GFM1: variants seen among roughly 807,000 people sequenced by gnomAD.
GFM1 encodes elongation factor G, mitochondrial.
Under a neutral mutation model 96.2 loss-of-function variants are expected in GFM1, and 62 were observed. The ratio of observed to expected loss-of-function variants is 0.64; its 90% CI spans 0.53 to 0.80. The LOEUF (loss-of-function observed/expected upper bound fraction) is 0.80. Among genes scored for constraint, GFM1 ranks in the 30% least tolerant of loss-of-function variants. GFM1 has a pLI of 0.00. For missense variants in GFM1, 852 were observed against 916.6 expected (o/e 0.93, Z 0.91); for synonymous variants, 282 against 312.9 (o/e 0.90, Z 1.04).
At chr3:158,654,033 C>G (rs1379402906) in intron 7 of GFM1, among the ~76,000 whole-genome samples, 1 of 151,858 alleles carries the variant, frequency 6.6e-6, no homozygotes, top group East Asian at 1.9e-4. Flanking sequence ...GATTGCACCA[C>G]TGCACTCCAG....
chr3:158,646,730 T>G lies in GFM1; in HGVS notation c.368-13T>G, dbSNP rs190018924. On this transcript the variant is annotated splice_polypyrimidine_tract_variant and intron_variant, in intron 3 of 17. Transcript: ENST00000486715. The stretch of plus-strand genomic sequence containing the variant: ...TTGCTCTTTAAGACCCTCTCATACT[T>G]CATCTTATTCAGGGCATGTGGACTT... 1 of 1,608,898 alleles carries G rather than the reference T, an allele frequency of 6.2e-7. No individual in the cohort carries two copies. Among genetic ancestry groups the G allele is most frequent in the Non-Finnish European group, 8.5e-7 (1 of 1,177,170 alleles).
intron 13 of GFM1, among the ~76,000 whole-genome samples, chr3:158,673,907 T>C (rs2108074931): frequency 6.6e-6 from 1 of 151,906 alleles, no homozygotes; most frequent in Non-Finnish European, 1.5e-5. Flanking sequence ...GACTTTGGCC[T>C]CAGTTTCATG....
Position 158,646,252 on chromosome 3 carries a change from T to TA in GFM1, c.323dup (p.Tyr108Ter), listed in dbSNP as rs1721792587. 1.2e-6 allele frequency: 2 copies of TA among 1,614,050 alleles called. No homozygotes were observed. Among genetic ancestry groups the TA allele is most frequent in the Non-Finnish European group, 1.7e-6 (2 of 1,179,876 alleles). Reference protein sequence around the residue: ...RGITIQSAATYTMWKDVNINI... With the variant: ...RGITIQSAAT ...AATCACTATTCAGTCAGCAGCCACTTACACCATGTGGAAAGATGTCAATAT... is the reference window on the plus strand; with the variant it reads ...AATCACTATTCAGTCAGCAGCCACTTAACACCATGTGGAAAGATGTCAATAT... Residue 108 changes from tyrosine (Y) to a stop codon, truncating the protein, a stop_gained and frameshift_variant, in exon 3 of 18, where the codon TAC becomes TAAC. Coordinates refer to ENST00000486715, the MANE Select transcript of GFM1 (RefSeq NM_024996.7). LOFTEE classifies it high-confidence loss of function.
chr3:158,648,923 G>A, intron 4 of GFM1, 118 bp from the exon 5 acceptor site: 3 of 706,368 alleles, frequency 4.2e-6, no homozygotes, highest in Non-Finnish European at 2.6e-6. Context: ...TGACCTGATG[G>A]TAACACCCTT....
At position 158,645,520 on chromosome 3, in the gene GFM1, A is replaced by G. The variant is rs1021843775; in HGVS notation, c.82-109A>G. ...CCTGGTGCCTTTCTCAAGCTATCTC[A>G]TATCCAGTGAGATTTCTTGGAGGAA... is the stretch of plus-strand genomic sequence containing the variant. On this transcript the variant is annotated intron_variant, in intron 1 of 17. Coordinates refer to ENST00000486715, the MANE Select transcript of GFM1 (RefSeq NM_024996.7). 1.1e-5 allele frequency: 10 copies of G among 935,618 alleles called. No homozygotes were observed. In the African/African-American group the frequency reaches 1.5e-4, roughly 14 times the overall value. 58.0% of individuals were successfully genotyped at this position (935,618 alleles called of 1,614,324 possible). A position where few individuals can be genotyped will look rare whatever the true frequency, so the allele number is the denominator to read the frequency against.
chr3:158,690,091 C>G (rs2108116675), intron 15 of GFM1, 72 bp from the exon 16 acceptor site: 2 of 1,367,032 alleles, frequency 1.5e-6, no homozygotes, highest in South Asian at 2.4e-5. Context: ...ATTTTTCTCC[C>G]TTTTTTATAT....
chr3:158,669,446 T>C, intron 13 of GFM1: 3 of 1,610,690 alleles, frequency 1.9e-6, no homozygotes, highest in Non-Finnish European at 2.5e-6. Flanking sequence ...GAATATTTTG[T>C]GCTTCTAGCG....
At position 158,666,279 on chromosome 3, in the gene GFM1, A is replaced by G. The variant is rs7628497; in HGVS notation, c.1519-25A>G. 0.2 allele frequency: 317,305 copies of G among 1,553,368 alleles called. 33,388 individuals carry two copies. The highest frequency in any genetic ancestry group is 0.22 in the Non-Finnish European group (250,101 of 1,128,130). ...TTTCGGTTTATTTTTTTAAATTTAA[A>G]TAATATTTTCCCCACTCTTTTTAGA... is the stretch of plus-strand genomic sequence containing the variant. On this transcript the variant is annotated intron_variant, in intron 12 of 17. Transcript: ENST00000486715.
intron 10 of GFM1, among the ~76,000 whole-genome samples, chr3:158,661,943 C>T (rs985423634): frequency 6.6e-6 from 1 of 152,018 alleles, no homozygotes; most frequent in African/African-American, 2.4e-5. Flanking sequence ...TGTTTGAGAT[C>T]TAGATAAAAG....
intron 13 of GFM1, among the ~76,000 whole-genome samples, chr3:158,676,382 T>C (rs1034408770): frequency 2.0e-5 from 3 of 152,184 alleles, no homozygotes; most frequent in Non-Finnish European, 2.9e-5. Flanking sequence ...AAGAATATAC[T>C]TGGTATAATA....
rs1726379410 is a variant in GFM1, at chr3:158,692,239, T to A, written c.*772T>A. ...TAAGTATTACTTCCTTGTGGTCTATTGTGAAGTAAAAAGTAGACCCTTGCA... is the reference window on the plus strand; with the variant it reads ...TAAGTATTACTTCCTTGTGGTCTATAGTGAAGTAAAAAGTAGACCCTTGCA... On this transcript the variant is annotated 3_prime_UTR_variant, in exon 18 of 18. Coordinates refer to ENST00000486715, the MANE Select transcript of GFM1 (RefSeq NM_024996.7). The A allele has an allele frequency of 6.6e-6, 1 of 152,272 alleles. No homozygotes were observed. The highest frequency in any genetic ancestry group is 6.5e-5 in the Admixed American group (1 of 15,280). 9.4% of individuals were successfully genotyped at this position (152,272 alleles called of 1,614,324 possible). A position where few individuals can be genotyped will look rare whatever the true frequency, so the allele number is the denominator to read the frequency against.
chr3:158,656,308 C>T, intron 8 of GFM1: 1 of 168,522 alleles, frequency 5.9e-6, no homozygotes, highest in Non-Finnish European at 1.3e-5. Flanking sequence ...CATGCGCCAC[C>T]ACGCCCAGCT....
intron 2 of GFM1, 28 bp from the exon 3 acceptor site, chr3:158,646,137 A>T (rs1721776099): frequency 6.2e-7 from 1 of 1,613,880 alleles, no homozygotes; most frequent in Non-Finnish European, 8.5e-7. Flanking sequence ...GGGACAGAGA[A>T]AGTCTGAATT....
chr3:158,652,171 A>G lies in GFM1; in HGVS notation c.765A>G (p.Glu255=). The change falls in exon 6 of 18, where the codon GAA becomes GAG. Residue 255 remains glutamate, a synonymous_variant. Coordinates refer to ENST00000486715, the MANE Select transcript of GFM1 (RefSeq NM_024996.7). ...AATDHRQELI[E]CVANSDEQLG... is the part of the protein sequence containing the mutation. ...CTGACCACCGGCAGGAGCTAATTGA[A>G]TGTGTTGCCAATTCAGATGAACAGC... 1 of 1,614,068 alleles carries G rather than the reference A, an allele frequency of 6.2e-7. No homozygotes were observed. The highest frequency in any genetic ancestry group is 8.5e-7 in the Non-Finnish European group (1 of 1,179,882).
chr3:158,682,236 C>T (rs1725453531), intron 14 of GFM1, 79 bp downstream of exon 14: 2 of 1,196,020 alleles, frequency 1.7e-6, no homozygotes, highest in African/African-American at 1.5e-5. Flanking sequence ...CTTTGTCTTC[C>T]ATCATGTTGT....
At chr3:158,660,248 CT>C (rs111424383) in intron 9 of GFM1, 231 of 135,362 alleles carry the variant, frequency 1.7e-3, no homozygotes, top group Admixed American at 2.2e-3. Context: ...TAGTACATGC[CT>C]TTTTTTTTTT....
intron 10 of GFM1, among the ~76,000 whole-genome samples, chr3:158,661,255 A>G (rs886522783): frequency 6.6e-5 from 10 of 152,298 alleles, no homozygotes; most frequent in African/African-American, 1.9e-4. Context: ...TCTCCACCAG[A>G]TGGTACCTGG....
chr3:158,653,808 C>T lies in GFM1; in HGVS notation c.998+341C>T, dbSNP rs969774230. Among the ~76,000 whole-genome samples the T allele has an allele frequency of 9.9e-5, 15 of 152,018 alleles. No homozygotes were observed. In the East Asian group the frequency reaches 1.4e-3, roughly 14 times the overall value. ...AACTTCTGCCAGGCGCAGTGGCTCACGCTTGTAATTCCAGCACTTTGGGAG... is the reference window on the plus strand; with the variant it reads ...AACTTCTGCCAGGCGCAGTGGCTCATGCTTGTAATTCCAGCACTTTGGGAG... On this transcript the variant is annotated intron_variant, in intron 7 of 17. Coordinates refer to ENST00000486715, the MANE Select transcript of GFM1 (RefSeq NM_024996.7).
intron 13 of GFM1, chr3:158,672,738 C>T (rs573303618): frequency 1.1e-5 from 4 of 375,526 alleles, no homozygotes; most frequent in East Asian, 1.1e-4. Flanking sequence ...CCTTACTCCG[C>T]CTGCTGGTTC....
Sources: gnomAD v4.1 joint callset for allele counts (sites outside exome capture counted in the v4.1 genomes callset) on GRCh38, gnomAD v4.1.1 for gene constraint, MANE v1.5 for transcripts, NCBI Gene and HGNC (gene_info 2026-07-23, HGNC 2026-07-21) for gene names.